WASHC5: variants seen among roughly 807,000 people sequenced by gnomAD.
The protein encoded by WASHC5 is WASH complex subunit 5.
In WASHC5, 101 loss-of-function variants were observed where a neutral mutation model predicts 150.4. The observed-to-expected ratio is 0.67, with a 90% CI of 0.57 to 0.79. The LOEUF (loss-of-function observed/expected upper bound fraction) is 0.79. WASHC5 is among the 30% of genes least tolerant of loss of function. The pLI, the probability that WASHC5 is intolerant of heterozygous loss-of-function variation, is 0.00. For missense variants in WASHC5, 1,195 were observed against 1,396.3 expected, an observed-to-expected ratio of 0.86 and a Z score of 2.30; for synonymous variants, 467 against 491.2, an observed-to-expected ratio of 0.95 and a Z score of 0.65.
intron 3 of WASHC5, 45 bp downstream of exon 3, chr8:125,083,068 C>T (rs750138832): frequency 7.1e-6 from 9 of 1,262,970 alleles, no homozygotes; most frequent in Non-Finnish European, 1.0e-5. Flanking sequence ...TTTTCCCTCT[C>T]CACTATTTAC....
chr8:125,070,811 C>A (rs1816876251), intron 9 of WASHC5, among the ~76,000 whole-genome samples: 1 of 152,190 alleles, frequency 6.6e-6, no homozygotes, highest in Non-Finnish European at 1.5e-5. Flanking sequence ...GAAAGCAGCT[C>A]TCAGGATAAA....
chr8:125,050,033 CT>C, intron 18 of WASHC5, among the ~76,000 whole-genome samples: 1 of 151,862 alleles, frequency 6.6e-6, no homozygotes, highest in African/African-American at 2.4e-5. Context: ...AAAAGAATGA[CT>C]GTGATTTCTC....
rs755285830 is a variant in WASHC5 at position 125,078,772 on chromosome 8, A to G, written c.677T>C (p.Ile226Thr). Residue 226 changes from isoleucine to threonine, a missense_variant, in exon 6 of 29, where the codon ATT becomes ACT. By Grantham distance (89) the Ile-to-Thr change is moderately conservative. Around this residue, in one of 3 missense-constraint regions of WASHC5, gnomAD observed 997 missense variants for 1,168.1 expected, o/e 0.85. Transcript: ENST00000318410. ...PINESFISMV[I>T]GRLRSDDIYN... Reference sequence around the variant, plus strand: ...AATATCATCAGATCTCAGTCGACCAATGACCATACTGATGAAGGATTCGTT... The same window carrying G: ...AATATCATCAGATCTCAGTCGACCAGTGACCATACTGATGAAGGATTCGTT... 4.3e-6 allele frequency: 7 copies of G among 1,614,044 alleles called. No homozygotes were observed. The highest frequency in any genetic ancestry group is 1.1e-5 in the South Asian group (1 of 91,086).
intron 27 of WASHC5, among the ~76,000 whole-genome samples, chr8:125,029,582 T>C (rs571872398): frequency 6.6e-6 from 1 of 152,320 alleles, no homozygotes; most frequent in Admixed American, 6.5e-5. Flanking sequence ...TATTTGACGG[T>C]ATCAAATAAA....
intron 28 of WASHC5, among the ~76,000 whole-genome samples, chr8:125,024,890 A>G (rs1815331798): frequency 1.3e-5 from 2 of 151,944 alleles, no homozygotes; most frequent in Admixed American, 1.3e-4. Flanking sequence ...GGGATGCAGT[A>G]CAGCTCTCCC....
At chr8:125,058,910 A>T (rs1816499401) in intron 14 of WASHC5, among the ~76,000 whole-genome samples, 1 of 152,206 alleles carries the variant, frequency 6.6e-6, no homozygotes, top group Admixed American at 6.5e-5. Context: ...GACTTAATTC[A>T]TGCCTAGGGA....
At chr8:125,063,439 C>A (rs1256274945) in intron 11 of WASHC5, 83 bp downstream of exon 11, 2 of 1,400,560 alleles carry the variant, frequency 1.4e-6, no homozygotes, top group Non-Finnish European at 2.0e-6. Flanking sequence ...AACATAAAGT[C>A]TTTTTAACCT....
intron 16 of WASHC5, 128 bp downstream of exon 16, chr8:125,056,549 G>A (rs1340072213): frequency 9.3e-7 from 1 of 1,070,550 alleles, no homozygotes; most frequent in African/African-American, 1.6e-5. Context: ...GTTTACCATT[G>A]CAAATGTGAG....
At chr8:125,035,525 A>C (rs1327912953) in intron 26 of WASHC5, among the ~76,000 whole-genome samples, 1 of 152,214 alleles carries the variant, frequency 6.6e-6, no homozygotes, top group Non-Finnish European at 1.5e-5. Context: ...TGGCCCTTTA[A>C]ATTGATTTTG....
At chr8:125,080,266 C>T in intron 5 of WASHC5, among the ~76,000 whole-genome samples, 1 of 101,342 alleles carries the variant, frequency 9.9e-6, no homozygotes, top group East Asian at 3.9e-4. Context: ...GCTTCATAAG[C>T]CAATATTTTT....
intron 4 of WASHC5, among the ~76,000 whole-genome samples, 193 bp from the exon 5 acceptor site, chr8:125,081,954 AT>A (rs1260254890): frequency 2.0e-5 from 3 of 152,400 alleles, no homozygotes; most frequent in Non-Finnish European, 4.4e-5. Flanking sequence ...TGTAAAACAG[AT>A]TTTAATTCAT....
chr8:125,029,951 T>G (rs1186655903), intron 27 of WASHC5, among the ~76,000 whole-genome samples: 1 of 152,208 alleles, frequency 6.6e-6, no homozygotes, highest in African/African-American at 2.4e-5. Flanking sequence ...TTTGCTCTGC[T>G]TGGAGCAAGA....
At chr8:125,081,499 A>G (rs112744924) in intron 5 of WASHC5, among the ~76,000 whole-genome samples, 162 bp downstream of exon 5, 213 of 152,288 alleles carry the variant, frequency 1.4e-3, no homozygotes, top group African/African-American at 4.8e-3. Flanking sequence ...TGGCCTCCCA[A>G]AAGTGTTGGG....
chr8:125,048,453 T>C (rs568605999), intron 19 of WASHC5, among the ~76,000 whole-genome samples: 4 of 152,350 alleles, frequency 2.6e-5, no homozygotes, highest in South Asian at 2.1e-4. Flanking sequence ...TTCAACATCA[T>C]TGGCATTAGA....
chr8:125,044,334 A>T (rs976244994), intron 21 of WASHC5, among the ~76,000 whole-genome samples: 2 of 152,226 alleles, frequency 1.3e-5, no homozygotes, highest in Non-Finnish European at 2.9e-5. Flanking sequence ...TTACAAAAAC[A>T]GTCTAATCCT....
chr8:125,062,074 C>T (rs188880480), intron 11 of WASHC5, among the ~76,000 whole-genome samples: 3 of 152,062 alleles, frequency 2.0e-5, no homozygotes, highest in Non-Finnish European at 4.4e-5. Context: ...TAAAGACTTA[C>T]GATCTAAGTT....
chr8:125,030,336 C>A (rs1815490549), intron 27 of WASHC5, among the ~76,000 whole-genome samples: 1 of 152,164 alleles, frequency 6.6e-6, no homozygotes, highest in African/African-American at 2.4e-5. Context: ...GTGATTGTTA[C>A]AATTTCATTT....
At chr8:125,049,563 A>T (rs1816177467) in intron 18 of WASHC5, among the ~76,000 whole-genome samples, 1 of 137,020 alleles carries the variant, frequency 7.3e-6, no homozygotes, top group African/African-American at 2.8e-5. Context: ...TCTTAAAAAA[A>T]TAAAAAATAA....
intron 18 of WASHC5, 74 bp from the exon 19 acceptor site, chr8:125,049,259 A>G: frequency 1.3e-6 from 2 of 1,515,868 alleles, no homozygotes; most frequent in Non-Finnish European, 1.8e-6. Flanking sequence ...ATCTAACTAG[A>G]CTTTAAATAG....
Sources: allele counts gnomAD v4.1 joint callset (sites outside exome capture counted in the v4.1 genomes callset), GRCh38; gene constraint gnomAD v4.1.1; regional missense constraint gnomAD v4.1.1; transcripts MANE v1.5; gene names NCBI Gene and HGNC (gene_info 2026-07-23, HGNC 2026-07-21).